SLC16A10: variants seen among roughly 807,000 people sequenced by gnomAD.
SLC16A10 encodes solute carrier family 16 member 10, also known as monocarboxylate transporter 10.
A neutral mutation model predicts 40.0 loss-of-function variants in SLC16A10; 27 were observed. The observed-to-expected ratio is 0.67, with a 90% CI of 0.50 to 0.93. The LOEUF is 0.93. Ranked by LOEUF, SLC16A10 falls within the 40% of genes least tolerant of loss-of-function variation. The pLI is 0.00. For missense variants in SLC16A10, 529 were observed against 658.2 expected (o/e 0.80, Z 2.15); for synonymous variants, 213 against 249.8 (o/e 0.85, Z 1.39).
At chr6:111,160,446 T>C (rs1027799989) in intron 1 of SLC16A10, among the ~76,000 whole-genome samples, 2 of 152,220 alleles carry the variant, frequency 1.3e-5, no homozygotes, top group Admixed American at 1.3e-4. Flanking sequence ...TTCACCATGT[T>C]GGGAAGGCTG....
intron 1 of SLC16A10, among the ~76,000 whole-genome samples, chr6:111,118,525 C>G (rs1044602110): frequency 6.6e-6 from 1 of 151,720 alleles, no homozygotes; most frequent in Non-Finnish European, 1.5e-5. Flanking sequence ...ACTAAAAAAT[C>G]CAAAAATTAG....
rs766489981 is a variant in SLC16A10 at position 111,172,828 on chromosome 6, T to G, written c.477T>G (p.Ser159Arg). 6.2e-7 allele frequency: 1 copy of G among 1,613,900 alleles called. No homozygotes were observed. Among genetic ancestry groups the G allele is most frequent in the Non-Finnish European group, 8.5e-7 (1 of 1,179,918 alleles). ...TTGGATTTGTTGGGCTCATGTCCAGTTCTTTTGTAAGGTAAGGACTTGGTT... is the reference window on the plus strand; with the variant it reads ...TTGGATTTGTTGGGCTCATGTCCAGGTCTTTTGTAAGGTAAGGACTTGGTT... ...AAVGFVGLMS[S>R]SFVSSIEPLY... The change falls in exon 2 of 6, where the codon AGT becomes AGG. Residue 159 changes from serine (S) to arginine (R), a missense_variant. Coordinates refer to ENST00000368851, the MANE Select transcript of SLC16A10 (RefSeq NM_018593.5).
chr6:111,212,908 T>C lies in SLC16A10; in HGVS notation c.1087-5906T>C, dbSNP rs951082580. The stretch of plus-strand genomic sequence containing the variant: ...GGTTAAAGAAAAGCTTTGCAAAAGT[T>C]CCCAGAATATATACTTTATTGGGAC... On this transcript the variant is annotated intron_variant, in intron 4 of 5. Coordinates refer to ENST00000368851, the MANE Select transcript of SLC16A10 (RefSeq NM_018593.5). Among the ~76,000 whole-genome samples, 5 of 152,158 alleles carry C rather than the reference T, an allele frequency of 3.3e-5. 1 individual carries two copies. Among genetic ancestry groups the C allele is most frequent in the African/African-American group, 1.2e-4 (5 of 41,446 alleles).
Position 111,158,822 on chromosome 6 carries a change from A to G in SLC16A10, c.344-13873A>G, listed in dbSNP as rs1280298749. On this transcript the variant is annotated intron_variant, in intron 1 of 5. Coordinates refer to ENST00000368851, the MANE Select transcript of SLC16A10 (RefSeq NM_018593.5). ...AGATGTAGGCTGGTCACAGTGGCTC[A>G]TGCCTGTAATGTCAACACTTTAGGA... Among the ~76,000 whole-genome samples, 7 of 152,272 alleles carry G rather than the reference A, an allele frequency of 4.6e-5. No homozygotes were observed. In the South Asian group the frequency reaches 1.2e-3, roughly 27 times the overall value.
intron 1 of SLC16A10, among the ~76,000 whole-genome samples, chr6:111,168,721 C>G (rs973711302): frequency 2.0e-5 from 3 of 152,142 alleles, no homozygotes; most frequent in Non-Finnish European, 4.4e-5. Context: ...GTAACAAAAT[C>G]TATTGGAATT....
intron 1 of SLC16A10, among the ~76,000 whole-genome samples, chr6:111,134,455 C>T (rs571523217): frequency 1.2e-4 from 18 of 152,122 alleles, no homozygotes; most frequent in East Asian, 3.9e-4. Context: ...TTCCAAAGTC[C>T]GCCTTAGGCC....
intron 1 of SLC16A10, among the ~76,000 whole-genome samples, chr6:111,093,178 C>T (rs572756190): frequency 6.6e-6 from 1 of 152,216 alleles, no homozygotes; most frequent in Non-Finnish European, 1.5e-5. Context: ...CCATTTCACT[C>T]CAGCCTGGGC....
chr6:111,226,027 T>C lies in SLC16A10; in HGVS notation c.*3792T>C, dbSNP rs762353700. ...TCGTGTATCCTGGTGAATGGCTTTC[T>C]CTCAGCCTTCGACTTAGTTCTAATG... On this transcript the variant is annotated 3_prime_UTR_variant, in exon 6 of 6. Transcript: ENST00000368851. The C allele has an allele frequency of 1.3e-5, 2 of 152,232 alleles. No individual in the cohort carries two copies. The highest frequency in any genetic ancestry group is 4.8e-5 in the African/African-American group (2 of 41,472). 9.4% of individuals were successfully genotyped at this position (152,232 alleles called of 1,614,324 possible). A position where few individuals can be genotyped will look rare whatever the true frequency, so the allele number is the denominator to read the frequency against.
chr6:111,177,718 T>G (rs1325670260), intron 3 of SLC16A10, 53 bp downstream of exon 3: 1 of 1,436,244 alleles, frequency 7.0e-7, no homozygotes, highest in Non-Finnish European at 9.2e-7. Flanking sequence ...AAAGAAAAAC[T>G]TCTTTGAAGA....
In SLC16A10 at chr6:111,229,029, C is replaced by CA. The variant is rs4038339; in HGVS notation, c.*6814dup. The CA allele has an allele frequency of 0.61, 68,058 of 111,886 alleles. 21,363 individuals are homozygous for CA. Among genetic ancestry groups the CA allele is most frequent in the South Asian group, 0.73 (2,295 of 3,138 alleles). The allele number at this position is 111,886 out of a possible 1,614,324, so 6.9% of individuals were successfully genotyped here. On this transcript the variant is annotated 3_prime_UTR_variant, in exon 6 of 6. Transcript: ENST00000368851. ...GGGCAACAAGAGCAAAACTCTGTCT[C>CA]AAAAAAAAAAAAAAAAAAAATAGTG...
At chr6:111,116,559 T>C (rs993769966) in intron 1 of SLC16A10, among the ~76,000 whole-genome samples, 1 of 152,152 alleles carries the variant, frequency 6.6e-6, no homozygotes, top group African/African-American at 2.4e-5. Flanking sequence ...TGCCCCCAAA[T>C]ACAGGAATGG....
chr6:111,120,432 T>G (rs1386402470), intron 1 of SLC16A10, among the ~76,000 whole-genome samples: 25 of 152,236 alleles, frequency 1.6e-4, no homozygotes, highest in Admixed American at 1.6e-3. Context: ...GGAAGTAAAG[T>G]GAAATGCCAA....
Position 111,138,282 on chromosome 6 carries a change from G to C in SLC16A10, c.344-34413G>C, listed in dbSNP as rs142143103. 2.6e-3 allele frequency among the ~76,000 whole-genome samples: 391 copies of C among 152,338 alleles called. 5 individuals carry two copies. Among genetic ancestry groups the C allele is most frequent in the Middle Eastern group, 0.024 (7 of 294 alleles). On this transcript the variant is annotated intron_variant, in intron 1 of 5. Transcript: ENST00000368851. ...AGTGGGTAGTTAGGATGGCAGGCATGTGTTTTAGGCAGAGAGATACAAGAT... is the reference window on the plus strand; with the variant it reads ...AGTGGGTAGTTAGGATGGCAGGCATCTGTTTTAGGCAGAGAGATACAAGAT...
intron 3 of SLC16A10, among the ~76,000 whole-genome samples, chr6:111,191,598 A>G (rs1347323957): frequency 1.3e-5 from 2 of 152,158 alleles, no homozygotes; most frequent in Non-Finnish European, 1.5e-5. Flanking sequence ...TTGCCACACT[A>G]TCTTCCACAA....
intron 1 of SLC16A10, among the ~76,000 whole-genome samples, chr6:111,094,750 A>G (rs1465023824): frequency 2.6e-5 from 4 of 151,918 alleles, no homozygotes; most frequent in Non-Finnish European, 5.9e-5. Context: ...CAATCCTCCT[A>G]TCTCAGCTTT....
chr6:111,136,648 C>T (rs930605967), intron 1 of SLC16A10, among the ~76,000 whole-genome samples: 3 of 152,204 alleles, frequency 2.0e-5, no homozygotes, highest in Non-Finnish European at 4.4e-5. Context: ...CTCAAACCTA[C>T]GCCGCTTGAG....
At chr6:111,100,570 G>A (rs1276620891) in intron 1 of SLC16A10, among the ~76,000 whole-genome samples, 2 of 152,004 alleles carry the variant, frequency 1.3e-5, no homozygotes, top group Admixed American at 1.3e-4. Context: ...TGTATTTTTA[G>A]TAGAGATGGG....
At chr6:111,193,608 A>G (rs1773032176) in intron 3 of SLC16A10, among the ~76,000 whole-genome samples, 1 of 152,228 alleles carries the variant, frequency 6.6e-6, no homozygotes, top group African/African-American at 2.4e-5. Context: ...TGCTGCTTAT[A>G]GTAAGGTAGA....
intron 1 of SLC16A10, chr6:111,091,224 A>C (rs1253840141): frequency 6.6e-6 from 1 of 152,172 alleles, no homozygotes; most frequent in Admixed American, 6.6e-5. Context: ...AAAATATGGA[A>C]TGCTTCATGA....
Sources: gnomAD v4.1 joint callset for allele counts (sites outside exome capture counted in the v4.1 genomes callset) on GRCh38, gnomAD v4.1.1 for gene constraint, MANE v1.5 for transcripts, NCBI Gene and HGNC (gene_info 2026-07-23, HGNC 2026-07-21) for gene names.